The following LPA variants were observed in gnomAD, a reference collection of about 807,000 sequenced individuals.
The protein encoded by LPA is lipoprotein(a), also known as apolipoprotein(a).
A neutral mutation model predicts 197.9 loss-of-function variants in LPA; 199 were observed. The observed-to-expected ratio is 1.01, with a 90% CI of 0.90 to 1.13. LPA has a LOEUF of 1.13. LPA is among the 50% of genes most tolerant of loss of function. The pLI, the probability that LPA is intolerant of heterozygous loss-of-function variation, is 0.00. For missense variants in LPA, 1,853 were observed against 1,785.8 expected, an observed-to-expected ratio of 1.04 and a Z score of -0.68; for synonymous variants, 715 against 639.5, an observed-to-expected ratio of 1.12 and a Z score of -1.78.
intron 1 of LPA, among the ~76,000 whole-genome samples, chr6:160,653,989 A>ATATATAT (rs1562354565): frequency 2.6e-4 from 2 of 7,804 alleles, no homozygotes; most frequent in African/African-American, 7.1e-4. Context: ...ATAATATATA[A>ATATATAT]TATATATTAT....
At chr6:160,549,874 A>G (rs1362550266) in intron 30 of LPA, among the ~76,000 whole-genome samples, 3 of 152,226 alleles carry the variant, frequency 2.0e-5, no homozygotes, top group Non-Finnish European at 4.4e-5. Flanking sequence ...TGGCTAGACT[A>G]TGGGATCTGA....
At chr6:160,543,325 T>A (rs969385119) in intron 33 of LPA, among the ~76,000 whole-genome samples, 1 of 152,202 alleles carries the variant, frequency 6.6e-6, no homozygotes, top group Admixed American at 6.5e-5. Flanking sequence ...CCATCTTTGG[T>A]ACCACCCATC....
intron 26 of LPA, among the ~76,000 whole-genome samples, chr6:160,580,307 C>A (rs1425133239): frequency 6.6e-6 from 1 of 151,496 alleles, no homozygotes; most frequent in Non-Finnish European, 1.5e-5. Flanking sequence ...TTTTCATTTT[C>A]TTTTGATGAA....
At chr6:160,649,208 G>A (rs1287539045) in intron 2 of LPA, among the ~76,000 whole-genome samples, 1 of 152,144 alleles carries the variant, frequency 6.6e-6, no homozygotes, top group Non-Finnish European at 1.5e-5. Flanking sequence ...TGCCCAAGAT[G>A]TTCAGTGAAG....
intron 21 of LPA, 69 bp downstream of exon 21, chr6:160,595,285 C>A: frequency 1.3e-6 from 2 of 1,578,188 alleles, no homozygotes; most frequent in Non-Finnish European, 1.7e-6. Flanking sequence ...GCTTCTATAT[C>A]ACTAAGATTT....
intron 37 of LPA, among the ~76,000 whole-genome samples, chr6:160,534,977 CTGG>C (rs1306555410): frequency 7.9e-6 from 1 of 126,308 alleles, no homozygotes; most frequent in African/African-American, 3.1e-5. Context: ...GATGGTGGTG[CTGG>C]TGATGATGAT....
chr6:160,662,424 C>T (rs978165834), intron 1 of LPA, among the ~76,000 whole-genome samples: 1 of 152,072 alleles, frequency 6.6e-6, no homozygotes, highest in East Asian at 1.9e-4. Flanking sequence ...AAACTTTTTC[C>T]TCTCCCCGGG....
In LPA at chr6:160,546,194, C is replaced by G. The variant is rs143499186; in HGVS notation, c.5305-661G>C. The stretch of plus-strand genomic sequence containing the variant: ...CTTGAGGGTTGGAACTGTTCAGCCC[C>G]ACCCTCCAACCTCCAGGGAGGGAAG... On this transcript the variant is annotated intron_variant, in intron 32 of 38. Transcript: ENST00000316300. Among the ~76,000 whole-genome samples, 571 of 152,250 alleles carry G rather than the reference C, an allele frequency of 3.8e-3. 6 individuals carry two copies. Among genetic ancestry groups the G allele is most frequent in the African/African-American group, 0.014 (562 of 41,554 alleles).
intron 20 of LPA, among the ~76,000 whole-genome samples, chr6:160,596,746 T>C (rs944206611): frequency 5.9e-5 from 9 of 152,186 alleles, no homozygotes; most frequent in Non-Finnish European, 1.3e-4. Flanking sequence ...TCCTCAGGTT[T>C]CTCTAGACTA....
At chr6:160,593,897 C>A (rs1418722435) in intron 22 of LPA, 61 bp downstream of exon 22, 2 of 1,586,304 alleles carry the variant, frequency 1.3e-6, no homozygotes, top group Non-Finnish European at 1.7e-6. Context: ...GGAAGCATGG[C>A]CCTTCCAAGA....
At position 160,652,341 on chromosome 6, in the gene LPA, G is replaced by T. The variant is rs558456358; in HGVS notation, c.50-1844C>A. Among the ~76,000 whole-genome samples the T allele has an allele frequency of 3.9e-5, 6 of 152,186 alleles. No homozygotes were observed. The South Asian group carries it at 1.2e-3, about 32-fold the overall frequency. ...GAACTATTGAATACAAAGAAACAAA[G>T]ATCAGATTTCTAGTCAGAAACTATT... On this transcript the variant is annotated intron_variant, in intron 1 of 38. Coordinates refer to ENST00000316300, the MANE Select transcript of LPA (RefSeq NM_005577.4).
intron 14 of LPA, among the ~76,000 whole-genome samples, chr6:160,615,050 GT>G (rs1410420005): frequency 1.9e-5 from 2 of 107,078 alleles, no homozygotes; most frequent in Admixed American, 9.7e-5. Flanking sequence ...TACAGGTTGG[GT>G]TTTTTTTCCG....
Position 160,589,551 on chromosome 6 carries a change from A to G in LPA, c.3947+2T>C, listed in dbSNP as rs202208477. On this transcript the variant is annotated splice_donor_variant, in intron 24 of 38. Coordinates refer to ENST00000316300, the MANE Select transcript of LPA (RefSeq NM_005577.4). LOFTEE classifies it high-confidence loss of function. Reference sequence around the variant, plus strand: ...CTCTTGGGAGAAAACTCAAAGACATACCCATTTGGGTAGTATTCTGTGGTT... The same window carrying G: ...CTCTTGGGAGAAAACTCAAAGACATGCCCATTTGGGTAGTATTCTGTGGTT... 4 of 1,613,442 alleles carry G rather than the reference A, an allele frequency of 2.5e-6. No homozygotes were observed. The highest frequency in any genetic ancestry group is 3.4e-4 in the Middle Eastern group (2 of 5,806).
At chr6:160,604,036 T>A (rs760401265) in intron 18 of LPA, among the ~76,000 whole-genome samples, 1 of 152,176 alleles carries the variant, frequency 6.6e-6, no homozygotes, top group Non-Finnish European at 1.5e-5. Flanking sequence ...TATTCTTTTC[T>A]CTACTTTCTT....
At chr6:160,565,740 G>A (rs1778441206) in intron 28 of LPA, among the ~76,000 whole-genome samples, 1 of 152,172 alleles carries the variant, frequency 6.6e-6, no homozygotes, top group Non-Finnish European at 1.5e-5. Context: ...CCGAGCTAAA[G>A]AAGGATGTTC....
chr6:160,544,261 T>C (rs1778028498), intron 33 of LPA, among the ~76,000 whole-genome samples: 1 of 152,000 alleles, frequency 6.6e-6, no homozygotes, highest in Non-Finnish European at 1.5e-5. Flanking sequence ...TGGCGTGTAC[T>C]AGATGGGGCC....
In LPA at chr6:160,544,277, C is replaced by T. The variant is rs556395501; in HGVS notation, c.5398+1163G>A. Among the ~76,000 whole-genome samples, 6 of 152,084 alleles carry T rather than the reference C, an allele frequency of 3.9e-5. No individual in the cohort carries two copies. The East Asian group carries it at 9.7e-4, about 25-fold the overall frequency. On this transcript the variant is annotated intron_variant, in intron 33 of 38. Transcript: ENST00000316300. ...GGCGTGTACTAGATGGGGCCAGAAG[C>T]GGAGAACTGGAACTGACCCCATCAA...
At chr6:160,537,763 G>A in intron 37 of LPA, 92 bp downstream of exon 37, 1 of 1,195,982 alleles carries the variant, frequency 8.4e-7, no homozygotes, top group Non-Finnish European at 1.2e-6. Flanking sequence ...TCATGGGTAG[G>A]AATTTGTACA....
intron 1 of LPA, among the ~76,000 whole-genome samples, chr6:160,655,376 T>C (rs1780114759): frequency 1.3e-5 from 2 of 152,216 alleles, no homozygotes; most frequent in African/African-American, 4.8e-5. Flanking sequence ...TCAAGCACCA[T>C]TGGATCTGCG....
Sources: gnomAD v4.1 joint callset for allele counts (sites outside exome capture counted in the v4.1 genomes callset) on GRCh38, gnomAD v4.1.1 for gene constraint, MANE v1.5 for transcripts, NCBI Gene and HGNC (gene_info 2026-07-23, HGNC 2026-07-21) for gene names.